Variants in ARMH4 observed in about 807,000 individuals in gnomAD.
ARMH4 encodes armadillo like helical domain containing 4, also known as armadillo-like helical domain-containing protein 4.
In ARMH4, 49 loss-of-function variants were observed where a neutral mutation model predicts 61.9. The ratio of observed to expected loss-of-function variants is 0.79; its 90% CI spans 0.63 to 1.00. The LOEUF (loss-of-function observed/expected upper bound fraction) is 1.00. ARMH4 is among the 50% of genes least tolerant of loss of function. The probability of loss-of-function intolerance (pLI) is 0.00; values close to 1 mark genes in which losing one functional copy is unlikely to be tolerated. For synonymous variants in ARMH4, 368 were observed against 341.5 expected, an observed-to-expected ratio of 1.08 and a Z score of -0.85; for missense variants, 934 against 930.0, an observed-to-expected ratio of 1.00 and a Z score of -0.06.
intron 5 of ARMH4, among the ~76,000 whole-genome samples, chr14:58,082,816 A>AT (rs1885268939): frequency 6.6e-6 from 1 of 152,180 alleles, no homozygotes; most frequent in Non-Finnish European, 1.5e-5. Flanking sequence ...ACCCCTGAAA[A>AT]TGCTAAGTGT....
intron 5 of ARMH4, among the ~76,000 whole-genome samples, chr14:58,083,671 T>G (rs1020936097): frequency 5.9e-5 from 9 of 152,236 alleles, no homozygotes; most frequent in Non-Finnish European, 1.2e-4. Context: ...CACCTGTCAC[T>G]GCCTTTGAAC....
chr14:58,097,015 A>T, intron 4 of ARMH4, 34 bp from the exon 5 acceptor site: 1 of 1,588,908 alleles, frequency 6.3e-7, no homozygotes, highest in Non-Finnish European at 8.6e-7. Flanking sequence ...AAGCATAAAC[A>T]TATAATGAGT....
intron 3 of ARMH4, among the ~76,000 whole-genome samples, 195 bp downstream of exon 3, chr14:58,132,895 C>G (rs1279748437): frequency 6.6e-6 from 1 of 152,120 alleles, no homozygotes; most frequent in Non-Finnish European, 1.5e-5. Flanking sequence ...AACCCTTGTC[C>G]TTTTAAGGCT....
At chr14:58,120,062 T>C (rs1847013199) in intron 4 of ARMH4, among the ~76,000 whole-genome samples, 1 of 152,170 alleles carries the variant, frequency 6.6e-6, no homozygotes. Context: ...AGAGTGTACA[T>C]ACACAAATAT....
chr14:58,081,074 C>T (rs1267698967), intron 5 of ARMH4, among the ~76,000 whole-genome samples: 1 of 150,706 alleles, frequency 6.6e-6, no homozygotes, highest in Non-Finnish European at 1.5e-5. Flanking sequence ...TGTACTCCAG[C>T]CGGGGACACA....
chr14:58,132,477 G>A (rs1179469491), intron 3 of ARMH4, among the ~76,000 whole-genome samples: 2 of 151,424 alleles, frequency 1.3e-5, no homozygotes, highest in Non-Finnish European at 2.9e-5. Flanking sequence ...CCGGCTCCTA[G>A]CAGCAGAGTT....
chr14:58,099,801 T>C (rs1885893870), intron 4 of ARMH4, among the ~76,000 whole-genome samples: 2 of 152,096 alleles, frequency 1.3e-5, no homozygotes, highest in South Asian at 4.2e-4. Context: ...CTGGGAGACA[T>C]GGTATTATAC....
intron 6 of ARMH4, among the ~76,000 whole-genome samples, chr14:58,009,068 A>C (rs534908156): frequency 1.3e-5 from 2 of 152,312 alleles, no homozygotes; most frequent in African/African-American, 4.8e-5. Flanking sequence ...TAATACAGGA[A>C]GTGTCCTTCA....
At chr14:58,135,535 A>G (rs1887275259) in intron 2 of ARMH4, among the ~76,000 whole-genome samples, 1 of 146,998 alleles carries the variant, frequency 6.8e-6, no homozygotes, top group Non-Finnish European at 1.5e-5. Flanking sequence ...TCTTGAATAA[A>G]TAATTGCTGT....
chr14:58,074,522 ACAAAACAGTAAAT>A (rs1311925565), intron 5 of ARMH4, among the ~76,000 whole-genome samples: 1 of 151,800 alleles, frequency 6.6e-6, no homozygotes, highest in Non-Finnish European at 1.5e-5. Context: ...TAGACAATCA[ACAAAACAGTAAAT>A]CAAGCTCTGA....
At chr14:58,025,463 G>A (rs1238752407) in intron 5 of ARMH4, among the ~76,000 whole-genome samples, 2 of 152,098 alleles carry the variant, frequency 1.3e-5, no homozygotes, top group Non-Finnish European at 2.9e-5. Flanking sequence ...TCAATGAAAA[G>A]AGAAATGCAT....
At chr14:58,099,738 G>A (rs761839920) in intron 4 of ARMH4, among the ~76,000 whole-genome samples, 3 of 152,104 alleles carry the variant, frequency 2.0e-5, no homozygotes, top group Non-Finnish European at 4.4e-5. Context: ...AGATCTCATC[G>A]AAAGGGGCAA....
At chr14:58,061,106 G>C (rs1391432952) in intron 5 of ARMH4, among the ~76,000 whole-genome samples, 1 of 152,092 alleles carries the variant, frequency 6.6e-6, no homozygotes, top group Non-Finnish European at 1.5e-5. Flanking sequence ...ACTCCGTGAG[G>C]CTCCTCCTTG....
chr14:58,139,164 A>G lies in ARMH4; in HGVS notation c.195T>C (p.Thr65=). 1 of 1,614,140 alleles carries G rather than the reference A, an allele frequency of 6.2e-7. No homozygotes were observed. The highest frequency in any genetic ancestry group is 8.5e-7 in the Non-Finnish European group (1 of 1,180,028). ...GATCTTCAGAGACCACCAGTTGGGG[A>G]GTCTGCTTTGAGGTAACAGAGCTAT... ...LENSSVTSKQ[T]PQLVVSEDPM... Residue 65 remains threonine (T), a synonymous_variant, in exon 2 of 8, where the codon ACT becomes ACC. Transcript: ENST00000267485.
intron 3 of ARMH4, among the ~76,000 whole-genome samples, chr14:58,132,446 G>A (rs1026405839): frequency 6.7e-6 from 1 of 150,202 alleles, no homozygotes; most frequent in African/African-American, 2.5e-5. Context: ...TCAGGTCCAT[G>A]CTTTTTTCAC....
intron 5 of ARMH4, among the ~76,000 whole-genome samples, chr14:58,091,000 T>C (rs1469170280): frequency 6.6e-6 from 1 of 151,666 alleles, no homozygotes; most frequent in African/African-American, 2.4e-5. Context: ...GCAGATCACT[T>C]GAGGTCAGGA....
At chr14:58,010,125 CT>C (rs1375446984) in intron 6 of ARMH4, among the ~76,000 whole-genome samples, 1 of 152,098 alleles carries the variant, frequency 6.6e-6, no homozygotes, top group Non-Finnish European at 1.5e-5. Flanking sequence ...GATTCTGTGA[CT>C]TTCATCAAAG....
At chr14:58,052,293 G>A (rs1295762202) in intron 5 of ARMH4, among the ~76,000 whole-genome samples, 5 of 151,956 alleles carry the variant, frequency 3.3e-5, no homozygotes, top group African/African-American at 4.8e-5. Context: ...CCATTTGCTG[G>A]ACCCCAGTAG....
At chr14:58,032,114 T>C (rs999205043) in intron 5 of ARMH4, among the ~76,000 whole-genome samples, 2 of 152,022 alleles carry the variant, frequency 1.3e-5, no homozygotes, top group Non-Finnish European at 2.9e-5. Flanking sequence ...AGACCCAGCT[T>C]AAAGGGCCCT....
Sources: gnomAD v4.1 joint callset for allele counts (sites outside exome capture counted in the v4.1 genomes callset) on GRCh38, gnomAD v4.1.1 for gene constraint, MANE v1.5 for transcripts, NCBI Gene and HGNC (gene_info 2026-07-23, HGNC 2026-07-21) for gene names.